CEP112: variants seen among roughly 807,000 people sequenced by gnomAD.
CEP112 encodes centrosomal protein of 112 kDa.
A neutral mutation model predicts 153.0 loss-of-function variants in CEP112; 127 were observed. The observed-to-expected ratio is 0.83, with a 90% confidence interval of 0.72 to 0.96. CEP112 has a LOEUF of 0.96. Ranked by LOEUF, CEP112 falls within the 40% of genes least tolerant of loss-of-function variation. The probability of loss-of-function intolerance (pLI) is 0.00; values close to 1 mark genes in which losing one functional copy is unlikely to be tolerated. For synonymous variants in CEP112, 358 were observed against 374.4 expected (o/e 0.96, Z 0.51); for missense variants, 1,089 against 1,101.2 (o/e 0.99, Z 0.16).
At chr17:66,134,091 G>A (rs1289092989) in intron 4 of CEP112, among the ~76,000 whole-genome samples, 1 of 151,958 alleles carries the variant, frequency 6.6e-6, no homozygotes, top group East Asian at 1.9e-4. Flanking sequence ...AACCTGATAT[G>A]TCATACTAAG....
chr17:66,133,858 C>G (rs2070311025), intron 4 of CEP112, among the ~76,000 whole-genome samples: 1 of 152,024 alleles, frequency 6.6e-6, no homozygotes. Flanking sequence ...GTAATTAAAA[C>G]TCACAGAATA....
chr17:66,065,387 T>G (rs1286407217), intron 10 of CEP112, among the ~76,000 whole-genome samples: 1 of 152,104 alleles, frequency 6.6e-6, no homozygotes, highest in Non-Finnish European at 1.5e-5. Context: ...ATAAGTAGAA[T>G]TCTCTCTCCT....
chr17:65,674,365 T>C (rs1442250107), intron 24 of CEP112, among the ~76,000 whole-genome samples: 2 of 152,160 alleles, frequency 1.3e-5, no homozygotes, highest in Non-Finnish European at 2.9e-5. Context: ...ATCCTGGAGA[T>C]GACATAAAGC....
intron 6 of CEP112, among the ~76,000 whole-genome samples, chr17:66,114,118 TTAAG>T (rs1289058307): frequency 6.6e-6 from 1 of 152,200 alleles, no homozygotes; most frequent in Non-Finnish European, 1.5e-5. Flanking sequence ...CTGAAAATAA[TTAAG>T]TTTCAATGGC....
At chr17:65,897,756 T>C (rs1176871403) in intron 20 of CEP112, among the ~76,000 whole-genome samples, 1 of 152,086 alleles carries the variant, frequency 6.6e-6, no homozygotes, top group Non-Finnish European at 1.5e-5. Context: ...TAAAATCTAG[T>C]AATTACATTT....
intron 16 of CEP112, among the ~76,000 whole-genome samples, chr17:66,015,471 C>A (rs2064729613): frequency 6.6e-6 from 1 of 152,058 alleles, no homozygotes; most frequent in African/African-American, 2.4e-5. Context: ...AAAAGAATAT[C>A]CTAGTGATAT....
At chr17:65,898,197 C>A (rs2059721572) in intron 20 of CEP112, among the ~76,000 whole-genome samples, 1 of 152,012 alleles carries the variant, frequency 6.6e-6, no homozygotes, top group Non-Finnish European at 1.5e-5. Context: ...AAAAATGCTA[C>A]CAAAGACCAA....
intron 1 of CEP112, among the ~76,000 whole-genome samples, chr17:66,189,504 A>C (rs1016044771): frequency 5.6e-4 from 11 of 19,586 alleles, no homozygotes; most frequent in Non-Finnish European, 3.0e-3. Flanking sequence ...CTCTGTCTCA[A>C]AAAAAAAAAA....
chr17:65,864,790 A>C (rs2058427271), intron 20 of CEP112, among the ~76,000 whole-genome samples: 1 of 152,140 alleles, frequency 6.6e-6, no homozygotes, highest in Non-Finnish European at 1.5e-5. Flanking sequence ...AACCTCCCAG[A>C]TGAGTAAAGA....
chr17:65,735,667 G>A (rs2050760809), intron 23 of CEP112, among the ~76,000 whole-genome samples: 3 of 152,310 alleles, frequency 2.0e-5, no homozygotes, highest in South Asian at 2.1e-4. Context: ...ACATGGTAGT[G>A]AAGAAAATAA....
chr17:66,188,218 T>C (rs191138063), intron 1 of CEP112, among the ~76,000 whole-genome samples: 1 of 151,804 alleles, frequency 6.6e-6, no homozygotes, highest in Non-Finnish European at 1.5e-5. Flanking sequence ...AACAGAATAC[T>C]ATCCAAACCC....
chr17:66,043,993 C>T (rs761743583), intron 12 of CEP112, among the ~76,000 whole-genome samples: 6 of 152,088 alleles, frequency 3.9e-5, no homozygotes, highest in East Asian at 1.9e-4. Flanking sequence ...CTACTTTTGA[C>T]GATTCTTAAA....
chr17:65,904,306 T>C (rs960769941), intron 19 of CEP112, among the ~76,000 whole-genome samples: 1 of 152,086 alleles, frequency 6.6e-6, no homozygotes, highest in African/African-American at 2.4e-5. Flanking sequence ...TGTACACCAA[T>C]AATAGACAAA....
At chr17:66,047,505 T>A (rs185572196) in intron 12 of CEP112, among the ~76,000 whole-genome samples, 60 of 152,358 alleles carry the variant, frequency 3.9e-4, no homozygotes, top group African/African-American at 1.2e-3. Flanking sequence ...AATTTTATTA[T>A]GTAGATATTA....
At chr17:65,676,327 T>C (rs8075295) in intron 24 of CEP112, among the ~76,000 whole-genome samples, 3,285 of 90,278 alleles carry the variant, frequency 0.036, 96 homozygotes, top group African/African-American at 0.13. Context: ...GACTCTGTCT[T>C]AAAAGAAAAA....
At chr17:65,726,993 G>A (rs532999648) in intron 23 of CEP112, among the ~76,000 whole-genome samples, 2 of 152,174 alleles carry the variant, frequency 1.3e-5, no homozygotes, top group African/African-American at 4.8e-5. Flanking sequence ...AGTATATCCA[G>A]AGATAGATTC....
At chr17:66,101,811 A>G (rs1313760869) in intron 6 of CEP112, among the ~76,000 whole-genome samples, 1 of 152,144 alleles carries the variant, frequency 6.6e-6, no homozygotes, top group Admixed American at 6.5e-5. Flanking sequence ...ATTCTGAGAA[A>G]AAAAAACAAT....
chr17:66,124,713 G>GA (rs1405380469), intron 6 of CEP112, among the ~76,000 whole-genome samples: 1 of 151,576 alleles, frequency 6.6e-6, no homozygotes, highest in Non-Finnish European at 1.5e-5. Context: ...AGTTAAGGAA[G>GA]AAAAAAAACA....
At chr17:65,950,240 G>A (rs2061778227) in intron 18 of CEP112, among the ~76,000 whole-genome samples, 1 of 151,970 alleles carries the variant, frequency 6.6e-6, no homozygotes, top group African/African-American at 2.4e-5. Flanking sequence ...TGAAAATAAA[G>A]ATTTCTTACT....
Sources: allele counts gnomAD v4.1 joint callset (sites outside exome capture counted in the v4.1 genomes callset), GRCh38; gene constraint gnomAD v4.1.1; transcripts MANE v1.5; gene names NCBI Gene and HGNC (gene_info 2026-07-23, HGNC 2026-07-21).